LRP1B: variants seen among roughly 807,000 people sequenced by gnomAD.
LRP1B encodes the protein low-density lipoprotein receptor-related protein 1B.
A neutral mutation model predicts 556.6 loss-of-function variants in LRP1B; 217 were observed. That is an observed-to-expected ratio of 0.39 (90% confidence interval 0.35 to 0.44). The LOEUF (loss-of-function observed/expected upper bound fraction) is 0.44, where lower values mean the gene tolerates loss of function less well. LRP1B is among the 20% of genes least tolerant of loss of function. The probability of loss-of-function intolerance (pLI) is 1.00; values close to 1 mark genes in which losing one functional copy is unlikely to be tolerated. For missense variants in LRP1B, 5,053 were observed against 5,620.8 expected (o/e 0.90, Z 3.23); for synonymous variants, 2,047 against 1,865.8 (o/e 1.10, Z -2.50).
chr2:141,290,039 T>C (rs1685880995), intron 3 of LRP1B, among the ~76,000 whole-genome samples: 1 of 152,186 alleles, frequency 6.6e-6, no homozygotes, highest in Non-Finnish European at 1.5e-5. Flanking sequence ...GTTCTCAAAC[T>C]TCACAAGTAA....
At chr2:141,464,598 A>ATTTTTTTTTTTTT (rs199589153) in intron 3 of LRP1B, among the ~76,000 whole-genome samples, 1 of 73,272 alleles carries the variant, frequency 1.4e-5, no homozygotes, top group African/African-American at 5.3e-5. Flanking sequence ...ATATATATAT[A>ATTTTTTTTTTTTT]TATATATATT....
At chr2:142,016,962 A>G (rs961351355) in intron 1 of LRP1B, among the ~76,000 whole-genome samples, 3 of 128,502 alleles carry the variant, frequency 2.3e-5, no homozygotes, top group African/African-American at 8.0e-5. Flanking sequence ...ACATAATTGT[A>G]TGTGTGTGTA....
At chr2:140,529,957 G>A (rs1412006280) in intron 47 of LRP1B, among the ~76,000 whole-genome samples, 1 of 151,958 alleles carries the variant, frequency 6.6e-6, no homozygotes, top group East Asian at 1.9e-4. Flanking sequence ...TAAAAAAAAT[G>A]ATGAAGATTT....
chr2:141,309,660 C>T (rs1686735935), intron 3 of LRP1B, among the ~76,000 whole-genome samples: 1 of 152,018 alleles, frequency 6.6e-6, no homozygotes. Context: ...AGGAGTTGAA[C>T]ATTGAGAACA....
intron 84 of LRP1B, among the ~76,000 whole-genome samples, chr2:140,294,338 G>T (rs1683516806): frequency 6.6e-6 from 1 of 152,070 alleles, no homozygotes; most frequent in South Asian, 2.1e-4. Context: ...TTGATCTTTT[G>T]TTAACATTTA....
chr2:141,980,867 AT>A (rs1305972448), intron 1 of LRP1B, among the ~76,000 whole-genome samples: 1 of 152,018 alleles, frequency 6.6e-6, no homozygotes, highest in Non-Finnish European at 1.5e-5. Flanking sequence ...TCACTTTGAC[AT>A]TTCACTTGTC....
At chr2:140,469,899 T>C (rs1458548414) in intron 60 of LRP1B, among the ~76,000 whole-genome samples, 1 of 152,206 alleles carries the variant, frequency 6.6e-6, no homozygotes. Flanking sequence ...TTTGAACATA[T>C]TCCCTTGCTG....
intron 1 of LRP1B, among the ~76,000 whole-genome samples, chr2:141,901,792 G>C (rs2104934940): frequency 6.6e-6 from 1 of 151,978 alleles, no homozygotes; most frequent in Non-Finnish European, 1.5e-5. Flanking sequence ...CACTTCTACA[G>C]ACATGCTTTT....
chr2:141,539,208 T>C lies in LRP1B; in HGVS notation c.206-58675A>G, dbSNP rs561024160. ...AAATAGTGATGACCCAGGAAGTTAT[T>C]ATCATAGATTTAAGGATGTATATAG... is the stretch of plus-strand genomic sequence containing the variant. On this transcript the variant is annotated intron_variant, in intron 2 of 90. Transcript: ENST00000389484. Among the ~76,000 whole-genome samples the C allele has an allele frequency of 6.6e-3, 1,005 of 151,938 alleles. 12 individuals carry two copies. Among genetic ancestry groups the C allele is most frequent in the African/African-American group, 0.023 (964 of 41,494 alleles).
chr2:140,964,107 A>AGG (rs36068305), intron 18 of LRP1B, among the ~76,000 whole-genome samples: 2 of 151,934 alleles, frequency 1.3e-5, no homozygotes, highest in African/African-American at 2.4e-5. Context: ...TCCACTGGAC[A>AGG]GGGGGCCCTT....
chr2:141,259,077 T>C (rs1684590514), intron 3 of LRP1B, among the ~76,000 whole-genome samples: 1 of 152,210 alleles, frequency 6.6e-6, no homozygotes, highest in South Asian at 2.1e-4. Flanking sequence ...AGTTTACAAG[T>C]AATGGGTAGC....
In LRP1B at chr2:140,378,238, C is replaced by T. The variant is rs1246975068; in HGVS notation, c.10580G>A (p.Cys3527Tyr). ...ATCACACCAAAACCTTGAAGAAACA[C>T]AGTCCCCATTGGCACAGAGGAAATC... ...LKDFLCANGD[C>Y]VSSRFWCDGD... The change falls in exon 68 of 91, where the codon TGT becomes TAT. Residue 3527 changes from cysteine (C) to tyrosine (Y), a missense_variant. Around this residue, in one of 5 missense-constraint regions of LRP1B, gnomAD observed 599 missense variants for 648.4 expected, o/e 0.92. Coordinates refer to ENST00000389484, the MANE Select transcript of LRP1B (RefSeq NM_018557.3). The T allele has an allele frequency of 1.2e-6, 2 of 1,613,806 alleles. No homozygotes were observed. The highest frequency in any genetic ancestry group is 1.7e-6 in the Non-Finnish European group (2 of 1,179,764).
In LRP1B at chr2:141,517,029, A is replaced by AAAAAAAAAACAAAAAAAC. The variant is rs772472942; in HGVS notation, c.206-36497_206-36496insGTTTTTTTGTTTTTTTTT. On this transcript the variant is annotated intron_variant, in intron 2 of 90. Coordinates refer to ENST00000389484, the MANE Select transcript of LRP1B (RefSeq NM_018557.3). ...TAAAAAAAAAAAAAAAAAAAAAAAA[A>AAAAAAAAAACAAAAAAAC]AAAGTAAATCAATGAAATAATTTAA... 4.4e-5 allele frequency among the ~76,000 whole-genome samples: 4 copies of AAAAAAAAAACAAAAAAAC among 90,174 alleles called. 1 individual carries two copies. Among genetic ancestry groups the AAAAAAAAAACAAAAAAAC allele is most frequent in the African/African-American group, 1.1e-4 (3 of 26,214 alleles). 59.2% of individuals were successfully genotyped at this position (90,174 alleles called of 152,430 possible).
intron 3 of LRP1B, among the ~76,000 whole-genome samples, chr2:141,455,693 T>A (rs1390909442): frequency 6.6e-6 from 1 of 152,168 alleles, no homozygotes; most frequent in Admixed American, 6.5e-5. Flanking sequence ...TTTTGTGGAA[T>A]AAATGAACAA....
At chr2:141,377,504 T>G (rs566577897) in intron 3 of LRP1B, among the ~76,000 whole-genome samples, 6 of 152,104 alleles carry the variant, frequency 3.9e-5, no homozygotes, top group Non-Finnish European at 8.8e-5. Flanking sequence ...AAGTGTAATT[T>G]CCTCCCCAAT....
chr2:141,215,989 A>C (rs1682794561), intron 6 of LRP1B, among the ~76,000 whole-genome samples: 1 of 152,206 alleles, frequency 6.6e-6, no homozygotes, highest in African/African-American at 2.4e-5. Flanking sequence ...CATAACTAAA[A>C]AGGAGCCAAG....
intron 7 of LRP1B, among the ~76,000 whole-genome samples, chr2:141,095,843 A>G (rs1056052642): frequency 1.3e-5 from 2 of 152,006 alleles, no homozygotes; most frequent in Non-Finnish European, 2.9e-5. Context: ...TCCATCTGAT[A>G]TTCATGTGCA....
At chr2:140,655,036 ATATATATATAT>A (rs1684829097) in intron 41 of LRP1B, among the ~76,000 whole-genome samples, 1 of 151,808 alleles carries the variant, frequency 6.6e-6, no homozygotes, top group Non-Finnish European at 1.5e-5. Context: ...ATGTATGTAT[ATATATATATAT>A]CTCCTAGCTC....
Position 141,659,773 on chromosome 2 carries a change from C to A in LRP1B, c.205+150506G>T, listed in dbSNP as rs138187595. Among the ~76,000 whole-genome samples the A allele has an allele frequency of 2.8e-4, 42 of 152,214 alleles. No homozygotes were observed. In the East Asian group the frequency reaches 7.3e-3, roughly 27 times the overall value. On this transcript the variant is annotated intron_variant, in intron 2 of 90. Coordinates refer to ENST00000389484, the MANE Select transcript of LRP1B (RefSeq NM_018557.3). ...GGGATCAATTTACCTTTCTGAGTTT[C>A]TTTTGCTTATTACAGTATCTCTCAT...
Sources: allele counts gnomAD v4.1 joint callset (sites outside exome capture counted in the v4.1 genomes callset), GRCh38; gene constraint gnomAD v4.1.1; regional missense constraint gnomAD v4.1.1; transcripts MANE v1.5; gene names NCBI Gene and HGNC (gene_info 2026-07-23, HGNC 2026-07-21).